Variants in LIMCH1 observed in about 807,000 individuals in gnomAD.
LIMCH1 encodes LIM and calponin homology domains-containing protein 1.
In LIMCH1, 113 loss-of-function variants were observed where a neutral mutation model predicts 176.5. The observed-to-expected ratio is 0.64, with a 90% CI of 0.55 to 0.75. The LOEUF (loss-of-function observed/expected upper bound fraction) is 0.75, where lower values mean the gene tolerates loss of function less well. LIMCH1 is among the 30% of genes least tolerant of loss of function. LIMCH1 has a pLI of 0.00. For missense variants in LIMCH1, 1,674 were observed against 1,814.9 expected (o/e 0.92, Z 1.41); for synonymous variants, 619 against 645.9 (o/e 0.96, Z 0.63).
chr4:41,454,516 A>G (rs1218861450), intron 1 of LIMCH1, among the ~76,000 whole-genome samples: 1 of 151,950 alleles, frequency 6.6e-6, no homozygotes, highest in Non-Finnish European at 1.5e-5. Context: ...ACTACTGCAT[A>G]TTTGAGAGTA....
intron 3 of LIMCH1, among the ~76,000 whole-genome samples, chr4:41,530,683 C>T (rs527309749): frequency 1.3e-5 from 2 of 149,616 alleles, no homozygotes; most frequent in East Asian, 2.0e-4. Context: ...GGTGTGTGCC[C>T]GTAATCCCAG....
At chr4:41,596,980 T>C (rs1026231800) in intron 1 of LIMCH1, among the ~76,000 whole-genome samples, 1 of 152,098 alleles carries the variant, frequency 6.6e-6, no homozygotes, top group Non-Finnish European at 1.5e-5. Flanking sequence ...CTGTCTCCCA[T>C]CTTCTTCCTT....
chr4:41,671,738 G>A lies in LIMCH1; in HGVS notation c.3438+144G>A, dbSNP rs2095041150. The A allele has an allele frequency of 1.6e-5, 10 of 623,748 alleles. No homozygotes were observed. In the East Asian group the frequency reaches 2.5e-4, roughly 16 times the overall value. The allele number at this position is 623,748 out of a possible 1,614,324, so 38.6% of individuals were successfully genotyped here. The stretch of plus-strand genomic sequence containing the variant: ...AACACTTTGGGAGGGTGAGGCGGGT[G>A]GATCACGAGGTCAGGTGTTCAAGAT... On this transcript the variant is annotated intron_variant, in intron 22 of 31. Transcript: ENST00000503057.
chr4:41,460,098 T>G (rs561414573), intron 1 of LIMCH1, among the ~76,000 whole-genome samples: 3 of 152,166 alleles, frequency 2.0e-5, no homozygotes, highest in Non-Finnish European at 2.9e-5. Flanking sequence ...GGCAGTAGGA[T>G]ATGGATCTTA....
At chr4:41,633,469 T>C in intron 12 of LIMCH1, 79 bp from the exon 13 acceptor site, 1 of 1,481,102 alleles carries the variant, frequency 6.8e-7, no homozygotes, top group Non-Finnish European at 9.0e-7. Flanking sequence ...TGTCTTGAAT[T>C]AACGCCAGTG....
upstream of LIMCH1, among the ~76,000 whole-genome samples, chr4:41,535,180 A>AG (rs1323598412): frequency 0.02 from 2,873 of 142,156 alleles, 93 homozygotes; most frequent in African/African-American, 0.076. Context: ...AAAAAAAAAA[A>AG]AAAAGAAAAG....
At chr4:41,590,704 G>A (rs919210409) in intron 1 of LIMCH1, among the ~76,000 whole-genome samples, 4 of 152,030 alleles carry the variant, frequency 2.6e-5, no homozygotes, top group African/African-American at 9.7e-5. Flanking sequence ...CCACCTTCTG[G>A]GTCAAACGTC....
At chr4:41,609,733 C>T in intron 4 of LIMCH1, 2 of 446,126 alleles carry the variant, frequency 4.5e-6, no homozygotes, top group South Asian at 3.2e-5. Context: ...TAGAGTAACT[C>T]AGTAGCAGTT....
At chr4:41,510,983 G>A (rs914159698) in intron 2 of LIMCH1, among the ~76,000 whole-genome samples, 2 of 152,206 alleles carry the variant, frequency 1.3e-5, no homozygotes, top group Non-Finnish European at 2.9e-5. Flanking sequence ...AGTGAAGACT[G>A]TATATCTGAG....
intron 1 of LIMCH1, among the ~76,000 whole-genome samples, chr4:41,408,913 C>T (rs4861104): frequency 6.6e-6 from 1 of 151,880 alleles, no homozygotes; most frequent in African/African-American, 2.4e-5. Context: ...TAAATTCTAG[C>T]GATGATCAGC....
intron 19 of LIMCH1, chr4:41,661,918 TAAA>T (rs78605481): frequency 0.24 from 97,511 of 411,350 alleles, 12,542 homozygotes; most frequent in African/African-American, 0.3. Flanking sequence ...TAAAAATGAA[TAAA>T]ATAGTGCCAT....
intron 1 of LIMCH1, among the ~76,000 whole-genome samples, chr4:41,591,586 A>G (rs1236155673): frequency 6.6e-6 from 1 of 152,248 alleles, no homozygotes; most frequent in Non-Finnish European, 1.5e-5. Flanking sequence ...TAGAAAATGT[A>G]TAAAAATGAG....
chr4:41,676,330 G>A (rs1254181867), intron 22 of LIMCH1, 52 bp from the exon 23 acceptor site: 8 of 1,464,576 alleles, frequency 5.5e-6, no homozygotes, highest in South Asian at 3.5e-5. Flanking sequence ...CACCCGGCCT[G>A]TCCCTTGAGG....
At chr4:41,430,135 A>G (rs1422962449) in intron 1 of LIMCH1, among the ~76,000 whole-genome samples, 2 of 152,244 alleles carry the variant, frequency 1.3e-5, no homozygotes, top group Non-Finnish European at 2.9e-5. Flanking sequence ...AGGGGCACAA[A>G]GATGAATGGA....
chr4:41,660,408 C>T (rs764655915), intron 18 of LIMCH1, among the ~76,000 whole-genome samples: 1 of 152,068 alleles, frequency 6.6e-6, no homozygotes, highest in East Asian at 1.9e-4. Flanking sequence ...ATGAACATGA[C>T]AGTGATGTAC....
intron 1 of LIMCH1, among the ~76,000 whole-genome samples, chr4:41,572,169 A>G (rs2083661008): frequency 6.6e-6 from 1 of 152,210 alleles, no homozygotes; most frequent in South Asian, 2.1e-4. Flanking sequence ...TTTTCTAAAC[A>G]CTGCTCCATC....
chr4:41,695,317 T>G (rs1263255902), intron 31 of LIMCH1, among the ~76,000 whole-genome samples: 1 of 151,440 alleles, frequency 6.6e-6, no homozygotes, highest in Admixed American at 6.6e-5. Context: ...TGAGATTTCT[T>G]CTAGAATTGT....
intron 1 of LIMCH1, among the ~76,000 whole-genome samples, chr4:41,476,246 TG>T (rs1335024466): frequency 6.6e-6 from 1 of 152,254 alleles, no homozygotes; most frequent in African/African-American, 2.4e-5. Flanking sequence ...GTTGGTTGGT[TG>T]GTTAAACATG....
intron 28 of LIMCH1, among the ~76,000 whole-genome samples, chr4:41,687,239 A>T (rs780952366): frequency 1.3e-5 from 2 of 152,126 alleles, no homozygotes. Flanking sequence ...CTCACGTACA[A>T]CCGTTCTAGT....
Sources: allele counts gnomAD v4.1 joint callset (sites outside exome capture counted in the v4.1 genomes callset), GRCh38; gene constraint gnomAD v4.1.1; transcripts MANE v1.5; gene names NCBI Gene and HGNC (gene_info 2026-07-23, HGNC 2026-07-21).